The following LIMK2 variants were observed in gnomAD, a reference collection of about 807,000 sequenced individuals.
LIMK2 encodes LIM domain kinase 2.
In LIMK2, 35 loss-of-function variants were observed where a neutral mutation model predicts 75.7. The observed-to-expected ratio is 0.46, with a 90% CI of 0.35 to 0.61. LIMK2 has a LOEUF of 0.61. Among genes scored for constraint, LIMK2 ranks in the 20% least tolerant of loss-of-function variants. The pLI, the probability that LIMK2 is intolerant of heterozygous loss-of-function variation, is 0.00. For synonymous variants in LIMK2, 301 were observed against 319.2 expected (o/e 0.94, Z 0.61); for missense variants, 623 against 831.0 (o/e 0.75, Z 3.08).
At chr22:31,246,104 C>T (rs1401866736) in intron 2 of LIMK2, among the ~76,000 whole-genome samples, 3 of 150,888 alleles carry the variant, frequency 2.0e-5, no homozygotes, top group South Asian at 2.1e-4. Context: ...ACCTGGGAGG[C>T]GGAGGTTGCA....
At chr22:31,236,399 G>A (rs1312209160) in intron 2 of LIMK2, among the ~76,000 whole-genome samples, 1 of 151,374 alleles carries the variant, frequency 6.6e-6, no homozygotes, top group African/African-American at 2.4e-5. Flanking sequence ...CTTGAACTCA[G>A]GAGTTTCAAG....
rs767031819 is a variant in LIMK2 at position 31,258,354 on chromosome 22, C to T, written c.180C>T (p.Cys60=). The T allele has an allele frequency of 6.2e-7, 1 of 1,613,992 alleles. No homozygotes were observed. Among genetic ancestry groups the T allele is most frequent in the South Asian group, 1.1e-5 (1 of 91,070 alleles). The part of the protein sequence containing the change: ...WYYEKDGKLY[C]PKDYWGKFGE... ...ATGAGAAGGATGGGAAGCTCTACTG[C>T]CCCAAGGACTACTGGGGGAAGTTTG... The change falls in exon 3 of 16, where the codon TGC becomes TGT. Residue 60 remains cysteine, a synonymous_variant. Coordinates refer to ENST00000331728, the MANE Select transcript of LIMK2 (RefSeq NM_005569.4).
At chr22:31,269,923 C>A (rs2413046) in intron 11 of LIMK2, among the ~76,000 whole-genome samples, 119,356 of 151,896 alleles carry the variant, frequency 0.79, 47,713 homozygotes, top group African/African-American at 0.93. Flanking sequence ...CCTGGGAGGC[C>A]GGGTGGAGTC....
At chr22:31,248,442 C>T (rs554576211) in intron 2 of LIMK2, 22 of 1,461,862 alleles carry the variant, frequency 1.5e-5, no homozygotes, top group Admixed American at 1.0e-4. Flanking sequence ...ACAGAGAGGT[C>T]GTTTTCTCGG....
At chr22:31,261,377 C>T (rs528230414) in intron 5 of LIMK2, among the ~76,000 whole-genome samples, 135 of 152,232 alleles carry the variant, frequency 8.9e-4, no homozygotes, top group Non-Finnish European at 1.6e-3. Flanking sequence ...GAAACCCCGT[C>T]TCTACTAAAA....
intron 1 of LIMK2, among the ~76,000 whole-genome samples, chr22:31,224,007 T>C (rs1352417367): frequency 6.6e-6 from 1 of 152,206 alleles, no homozygotes; most frequent in Non-Finnish European, 1.5e-5. Context: ...TCATGGCCCC[T>C]GTGCCTGTGA....
chr22:31,263,184 C>T (rs763961623), intron 7 of LIMK2, among the ~76,000 whole-genome samples: 3 of 152,132 alleles, frequency 2.0e-5, no homozygotes, highest in African/African-American at 4.8e-5. Context: ...GATGAATGAA[C>T]GTTTTTTTTA....
intron 2 of LIMK2, among the ~76,000 whole-genome samples, chr22:31,255,327 C>T (rs2123827420): frequency 6.6e-6 from 1 of 152,306 alleles, no homozygotes. Context: ...GAACAGTCTT[C>T]CCCTCTGCCT....
intron 2 of LIMK2, among the ~76,000 whole-genome samples, chr22:31,236,712 G>A (rs2048578904): frequency 6.7e-6 from 1 of 150,002 alleles, no homozygotes; most frequent in East Asian, 2.0e-4. Context: ...TCAGGAGATC[G>A]AGACTAGCCT....
chr22:31,242,374 A>C (rs2048630058), intron 2 of LIMK2, among the ~76,000 whole-genome samples: 1 of 152,096 alleles, frequency 6.6e-6, no homozygotes. Context: ...CTTTTTGAAA[A>C]CTGGGCCAGT....
chr22:31,212,453 G>C lies in LIMK2; in HGVS notation c.16+29G>C, dbSNP rs1415113543. 9.9e-6 allele frequency: 13 copies of C among 1,318,280 alleles called. No individual in the cohort carries two copies. In the East Asian group the frequency reaches 3.6e-4, roughly 37 times the overall value. The allele number at this position is 1,318,280 out of a possible 1,614,324, so 81.7% of individuals were successfully genotyped here. A position where few individuals can be genotyped will look rare whatever the true frequency, so the allele number is the denominator to read the frequency against. ...AGGAAGGGCTGCTCCGCCCTGTCCCGCTGTTATCTCCGAAGTCCGGTTCCA... is the reference window on the plus strand; with the variant it reads ...AGGAAGGGCTGCTCCGCCCTGTCCCCCTGTTATCTCCGAAGTCCGGTTCCA... On this transcript the variant is annotated intron_variant, in intron 1 of 15. Transcript: ENST00000331728.
intron 14 of LIMK2, 131 bp from the exon 15 acceptor site, chr22:31,275,020 A>C: frequency 1.2e-5 from 10 of 808,306 alleles, no homozygotes; most frequent in Non-Finnish European, 2.1e-5. Flanking sequence ...GGGATTGGGG[A>C]GAGCTCTCTA....
At chr22:31,250,775 TC>T (rs2048717451) in intron 2 of LIMK2, among the ~76,000 whole-genome samples, 1 of 152,210 alleles carries the variant, frequency 6.6e-6, no homozygotes, top group Non-Finnish European at 1.5e-5. Flanking sequence ...CCTCAAGGGC[TC>T]CTCTTTGGGC....
chr22:31,259,044 C>A, intron 3 of LIMK2, 77 bp from the exon 4 acceptor site: 1 of 818,774 alleles, frequency 1.2e-6, no homozygotes, highest in Non-Finnish European at 2.1e-6. Flanking sequence ...ATTCACCCAC[C>A]CCTGTCCTCA....
chr22:31,240,787 G>A (rs764586568), intron 2 of LIMK2, among the ~76,000 whole-genome samples: 2 of 152,132 alleles, frequency 1.3e-5, no homozygotes, highest in African/African-American at 2.4e-5. Context: ...GAGAGAGGCA[G>A]CTACTGTGGG....
intron 15 of LIMK2, among the ~76,000 whole-genome samples, chr22:31,276,635 G>C (rs1268920131): frequency 4.8e-5 from 7 of 146,382 alleles, no homozygotes; most frequent in Admixed American, 4.1e-4. Flanking sequence ...CGGGCGTCAC[G>C]GAGGCGGCGG....
chr22:31,268,281 AC>A lies in LIMK2; in HGVS notation c.1317+85del, dbSNP rs1284987757. On this transcript the variant is annotated intron_variant, in intron 11 of 15. Transcript: ENST00000331728. ...TTGTGGGCTTCACTGGAAGGTAGAG[AC>A]CCCTTCCTATGCAACTTGTGTGGGC... 1.4e-4 allele frequency: 157 copies of A among 1,148,366 alleles called. No individual in the cohort carries two copies. The East Asian group carries it at 3.6e-3, about 26-fold the overall frequency. 71.1% of individuals were successfully genotyped at this position (1,148,366 alleles called of 1,614,324 possible).
intron 2 of LIMK2, chr22:31,248,573 G>A (rs532680694): frequency 6.8e-5 from 109 of 1,604,640 alleles, no homozygotes; most frequent in Middle Eastern, 1.7e-4. Flanking sequence ...CAGCTGCTCC[G>A]GAGGGAGAGG....
rs1233328290 is a variant in LIMK2 at position 31,279,179 on chromosome 22, GAAAC to G, written c.*744_*747del. On this transcript the variant is annotated 3_prime_UTR_variant, in exon 16 of 16. Transcript: ENST00000331728. ...CTTACGGACAACATCCTTTCTGTCT[GAAAC>G]AAACAGTCACAAGCAAAGGAAGAGG... 1.3e-5 allele frequency: 2 copies of G among 152,230 alleles called. No homozygotes were observed. The highest frequency in any genetic ancestry group is 2.9e-5 in the Non-Finnish European group (2 of 68,062). 9.4% of individuals were successfully genotyped at this position (152,230 alleles called of 1,614,324 possible). A position where few individuals can be genotyped will look rare whatever the true frequency, so the allele number is the denominator to read the frequency against.
Sources: allele counts gnomAD v4.1 joint callset (sites outside exome capture counted in the v4.1 genomes callset), GRCh38; gene constraint gnomAD v4.1.1; transcripts MANE v1.5; gene names NCBI Gene and HGNC (gene_info 2026-07-23, HGNC 2026-07-21).